CBX1: variants seen among roughly 807,000 people sequenced by gnomAD.
The protein encoded by CBX1 is chromobox 1, also known as chromobox protein homolog 1.
A neutral mutation model predicts 25.1 loss-of-function variants in CBX1; 10 were observed. The ratio of observed to expected loss-of-function variants is 0.40; its 90% CI spans 0.25 to 0.68. CBX1 has a LOEUF of 0.68. Among genes scored for constraint, CBX1 ranks in the 30% least tolerant of loss-of-function variants. CBX1 has a pLI of 0.40. For missense variants in CBX1, 106 were observed against 218.5 expected, an observed-to-expected ratio of 0.49 and a Z score of 3.25; for synonymous variants, 63 against 79.4, an observed-to-expected ratio of 0.79 and a Z score of 1.10.
At chr17:48,092,355 C>CA (rs2144463905) in intron 1 of CBX1, among the ~76,000 whole-genome samples, 1 of 151,870 alleles carries the variant, frequency 6.6e-6, no homozygotes, top group African/African-American at 2.4e-5. Context: ...CTGTGGCTCA[C>CA]ACCTGTAATC....
chr17:48,093,819 A>G lies in CBX1; in HGVS notation c.-38+7449T>C, dbSNP rs1476701072. Among the ~76,000 whole-genome samples the G allele has an allele frequency of 2.6e-5, 4 of 152,300 alleles. No homozygotes were observed. The South Asian group carries it at 8.3e-4, about 32-fold the overall frequency. On this transcript the variant is annotated intron_variant, in intron 1 of 4. Coordinates refer to ENST00000225603, the MANE Select transcript of CBX1 (RefSeq NM_001127228.2). ...CCATAGCTTTGCTCATCTATTAAGT[A>G]TTAAGAAGTGTGGGCTTAGGCCCGG...
intron 1 of CBX1, chr17:48,100,443 CTTT>C (rs1255729589): frequency 6.6e-6 from 1 of 152,280 alleles, no homozygotes; most frequent in East Asian, 1.9e-4. Context: ...TGCACTTGGA[CTTT>C]TTTAACTCCC....
In CBX1 at chr17:48,101,321, T is replaced by A; in HGVS notation, c.-91A>T. 1 of 986,178 alleles carries A rather than the reference T, an allele frequency of 1.0e-6. No individual in the cohort carries two copies. Among genetic ancestry groups the A allele is most frequent in the Non-Finnish European group, 1.2e-6 (1 of 829,974 alleles). 61.1% of individuals were successfully genotyped at this position (986,178 alleles called of 1,614,324 possible). ...GAATCGGTGCTGCGCTGCTGGCGCG[T>A]CGCGTCGGGTCGCCTGGGGGAGTGG... On this transcript the variant is annotated 5_prime_UTR_variant, in exon 1 of 5. Coordinates refer to ENST00000225603, the MANE Select transcript of CBX1 (RefSeq NM_001127228.2).
At position 48,087,872 on chromosome 17, in the gene CBX1, CA is replaced by C. The variant is rs531431865; in HGVS notation, c.-37-10832del. On this transcript the variant is annotated intron_variant, in intron 1 of 4. Coordinates refer to ENST00000225603, the MANE Select transcript of CBX1 (RefSeq NM_001127228.2). Reference sequence around the variant, plus strand: ...CTGGCAACAGAGCGAGACTCAGTCTCAAAAAAAAAAAAAAAAAAGAAAACAG... The same window carrying C: ...CTGGCAACAGAGCGAGACTCAGTCTCAAAAAAAAAAAAAAAAAGAAAACAG... Among the ~76,000 whole-genome samples, 143 of 89,476 alleles carry C rather than the reference CA, an allele frequency of 1.6e-3. 1 individual carries two copies. Among genetic ancestry groups the C allele is most frequent in the Admixed American group, 2.8e-3 (20 of 7,270 alleles). 58.7% of individuals were successfully genotyped at this position (89,476 alleles called of 152,430 possible).
chr17:48,092,452 ATC>A (rs112819713), intron 1 of CBX1, among the ~76,000 whole-genome samples: 3 of 145,710 alleles, frequency 2.1e-5, no homozygotes, highest in African/African-American at 5.0e-5. Context: ...GCAAGACTCC[ATC>A]TCTCTCTCTC....
chr17:48,094,914 G>C (rs910126350), intron 1 of CBX1, among the ~76,000 whole-genome samples: 1 of 151,814 alleles, frequency 6.6e-6, no homozygotes, highest in Non-Finnish European at 1.5e-5. Context: ...AGGTGTGGTG[G>C]TGCATGCCTG....
chr17:48,077,992 A>G (rs553602557), intron 1 of CBX1, among the ~76,000 whole-genome samples: 1 of 152,222 alleles, frequency 6.6e-6, no homozygotes, highest in South Asian at 2.1e-4. Context: ...TGTCCCTACT[A>G]AAAATACAAA....
At chr17:48,073,240 CT>C (rs1457618608) in intron 4 of CBX1, among the ~76,000 whole-genome samples, 4 of 152,108 alleles carry the variant, frequency 2.6e-5, no homozygotes, top group Non-Finnish European at 5.9e-5. Flanking sequence ...CACCCCAAAT[CT>C]CTAGAACCTT....
intron 1 of CBX1, among the ~76,000 whole-genome samples, chr17:48,085,681 TTTAAA>T (rs1377391818): frequency 6.6e-6 from 1 of 152,202 alleles, no homozygotes; most frequent in African/African-American, 2.4e-5. Flanking sequence ...TTTTGAGTCT[TTTAAA>T]TTGACAAGTG....
At chr17:48,081,432 G>A (rs188846319) in intron 1 of CBX1, among the ~76,000 whole-genome samples, 2 of 152,198 alleles carry the variant, frequency 1.3e-5, no homozygotes, top group East Asian at 1.9e-4. Flanking sequence ...TCATGACTTC[G>A]ATCTTTACTC....
chr17:48,098,962 A>G (rs1023327811), intron 1 of CBX1, among the ~76,000 whole-genome samples: 2 of 152,242 alleles, frequency 1.3e-5, no homozygotes, highest in African/African-American at 4.8e-5. Flanking sequence ...AATGAGTGCT[A>G]TCTTTCTTTA....
intron 1 of CBX1, among the ~76,000 whole-genome samples, chr17:48,090,995 G>T (rs2063341188): frequency 6.6e-6 from 1 of 152,150 alleles, no homozygotes; most frequent in African/African-American, 2.4e-5. Context: ...CAATAAACAA[G>T]AAAATATTAC....
chr17:48,093,128 T>C (rs1268345439), intron 1 of CBX1, among the ~76,000 whole-genome samples: 1 of 134,712 alleles, frequency 7.4e-6, no homozygotes, highest in African/African-American at 2.9e-5. Flanking sequence ...TAGTTGGGCA[T>C]GATGGCAGGC....
chr17:48,072,985 G>A (rs1202867866), intron 4 of CBX1, among the ~76,000 whole-genome samples: 1 of 152,006 alleles, frequency 6.6e-6, no homozygotes, highest in African/African-American at 2.4e-5. Flanking sequence ...AGCCAGGCAT[G>A]GTGGCGTGCG....
chr17:48,081,111 G>A (rs1442472997), intron 1 of CBX1, among the ~76,000 whole-genome samples: 1 of 150,744 alleles, frequency 6.6e-6, no homozygotes, highest in East Asian at 1.9e-4. Flanking sequence ...GTAGAGAAGG[G>A]TTTTTGCCAT....
intron 1 of CBX1, among the ~76,000 whole-genome samples, chr17:48,092,725 T>G (rs545129335): frequency 6.6e-6 from 1 of 151,998 alleles, no homozygotes; most frequent in South Asian, 2.1e-4. Context: ...GTGCTGAGAT[T>G]GCAGGCGTGA....
At chr17:48,095,775 A>T (rs887240122) in intron 1 of CBX1, 2 of 152,256 alleles carry the variant, frequency 1.3e-5, no homozygotes, top group African/African-American at 4.8e-5. Flanking sequence ...CTTGTTTCTA[A>T]ACTGCTTGTA....
At chr17:48,087,687 C>T (rs1175308094) in intron 1 of CBX1, among the ~76,000 whole-genome samples, 2 of 151,850 alleles carry the variant, frequency 1.3e-5, no homozygotes, top group Non-Finnish European at 2.9e-5. Context: ...TCCTGGCCAA[C>T]ATGGCAAAAC....
chr17:48,087,149 A>G (rs1032309324), intron 1 of CBX1, among the ~76,000 whole-genome samples: 3 of 151,292 alleles, frequency 2.0e-5, no homozygotes, highest in Non-Finnish European at 4.4e-5. Flanking sequence ...AGATCGCACC[A>G]TTGCACTCTA....
Sources: allele counts gnomAD v4.1 joint callset (sites outside exome capture counted in the v4.1 genomes callset), GRCh38; gene constraint gnomAD v4.1.1; transcripts MANE v1.5; gene names NCBI Gene and HGNC (gene_info 2026-07-23, HGNC 2026-07-21).